The following POU3F3 variants were observed in gnomAD, a reference collection of about 807,000 sequenced individuals.
POU3F3 encodes POU domain, class 3, transcription factor 3.
In POU3F3, 1 loss-of-function variant was observed where a neutral mutation model predicts 8.6. The observed-to-expected ratio is 0.12, with a 90% confidence interval of 0.04 to 0.55. The LOEUF is 0.55. Ranked by LOEUF, POU3F3 falls within the 20% of genes least tolerant of loss-of-function variation. The pLI, the probability that POU3F3 is intolerant of heterozygous loss-of-function variation, is 0.91. For synonymous variants in POU3F3, 418 were observed against 327.4 expected (o/e 1.28, Z -2.99); for missense variants, 577 against 690.7 (o/e 0.84, Z 1.84).
chr2:104,869,170 C>G, the POU3F3 span, among the ~76,000 whole-genome samples: 2 of 152,198 alleles, frequency 1.3e-5, no homozygotes, highest in African/African-American at 4.8e-5. Context: ...AGCGAGAGAC[C>G]TTGATGAAAT....
At chr2:104,876,031 G>A in the POU3F3 span, among the ~76,000 whole-genome samples, 1 of 152,162 alleles carries the variant, frequency 6.6e-6, no homozygotes, top group African/African-American at 2.4e-5. Flanking sequence ...TTTAACTTTT[G>A]AATCTAGCTT....
At chr2:104,895,033 G>A in the POU3F3 span, among the ~76,000 whole-genome samples, 1 of 151,210 alleles carries the variant, frequency 6.6e-6, no homozygotes, top group Non-Finnish European at 1.5e-5. Flanking sequence ...CCCAGACTGG[G>A]GCATCTTCAC....
At chr2:104,908,815 T>C in the POU3F3 span, among the ~76,000 whole-genome samples, 1 of 152,258 alleles carries the variant, frequency 6.6e-6, no homozygotes, top group Admixed American at 6.5e-5. Context: ...TGCTAAAATA[T>C]TTAAACTATT....
At chr2:104,868,923 A>G in the POU3F3 span, among the ~76,000 whole-genome samples, 1 of 152,250 alleles carries the variant, frequency 6.6e-6, no homozygotes, top group East Asian at 1.9e-4. Context: ...AATTCCATAT[A>G]GGACAGTGGG....
chr2:104,885,827 C>T, the POU3F3 span, among the ~76,000 whole-genome samples: 166 of 151,772 alleles, frequency 1.1e-3, 2 homozygotes, highest in African/African-American at 3.7e-3. Flanking sequence ...GACAAAGTCT[C>T]GCTGTTGTCC....
At chr2:104,911,356 A>C in the POU3F3 span, among the ~76,000 whole-genome samples, 2 of 149,934 alleles carry the variant, frequency 1.3e-5, no homozygotes, top group African/African-American at 4.9e-5. Flanking sequence ...CAGAGGTTGC[A>C]GTGAGCTGAG....
the POU3F3 span, among the ~76,000 whole-genome samples, chr2:104,878,579 A>G: frequency 4.5e-3 from 680 of 152,324 alleles, 4 homozygotes; most frequent in African/African-American, 0.016. Context: ...TGTGACTGTT[A>G]TATTTATTGT....
At chr2:104,877,889 C>T in the POU3F3 span, among the ~76,000 whole-genome samples, 7 of 152,236 alleles carry the variant, frequency 4.6e-5, no homozygotes, top group East Asian at 7.7e-4. Flanking sequence ...ATCTCCTGAC[C>T]TCATGATCCG....
chr2:104,888,886 G>A, the POU3F3 span, among the ~76,000 whole-genome samples: 4 of 152,198 alleles, frequency 2.6e-5, no homozygotes, highest in Admixed American at 2.0e-4. Flanking sequence ...ACTGAAAAGA[G>A]GGGAAACCCT....
the POU3F3 span, among the ~76,000 whole-genome samples, chr2:104,906,837 C>G: frequency 1.3e-5 from 2 of 152,144 alleles, no homozygotes; most frequent in Non-Finnish European, 2.9e-5. Context: ...AGTCTGATAG[C>G]AAGTACTGGT....
At chr2:104,887,987 C>T in the POU3F3 span, among the ~76,000 whole-genome samples, 2 of 152,170 alleles carry the variant, frequency 1.3e-5, no homozygotes, top group Non-Finnish European at 2.9e-5. Flanking sequence ...TTTGTAGGAA[C>T]ACTGCAAATG....
At chr2:104,874,146 A>G in the POU3F3 span, among the ~76,000 whole-genome samples, 1 of 152,196 alleles carries the variant, frequency 6.6e-6, no homozygotes, top group Non-Finnish European at 1.5e-5. Context: ...CAGTGGCCCC[A>G]GGAGAGCTGA....
At position 104,857,017 on chromosome 2, in the gene POU3F3, C is replaced by A. The variant is rs1676578280; in HGVS notation, c.*4C>A. ...GCTGCAGACGAGCGTTCAGTGAAGC[C>A]AGGGCGCAGAGCGAAGAGGGCCGCC... On this transcript the variant is annotated 3_prime_UTR_variant, in exon 1 of 1. Coordinates refer to ENST00000361360, the MANE Select transcript of POU3F3 (RefSeq NM_006236.3). 1 of 1,583,412 alleles carries A rather than the reference C, an allele frequency of 6.3e-7. No individual in the cohort carries two copies. The highest frequency in any genetic ancestry group is 1.3e-5 in the African/African-American group (1 of 74,292).
chr2:104,915,431 T>C, the POU3F3 span, among the ~76,000 whole-genome samples: 56 of 152,232 alleles, frequency 3.7e-4, no homozygotes, highest in Non-Finnish European at 7.2e-4. Context: ...TTGTTACACA[T>C]AGAGCAAGTC....
the POU3F3 span, among the ~76,000 whole-genome samples, chr2:104,910,455 C>T: frequency 6.6e-6 from 1 of 152,140 alleles, no homozygotes; most frequent in Non-Finnish European, 1.5e-5. Context: ...CTTATTCCAC[C>T]GACAGCCATG....
chr2:104,863,462 C>T (rs183294521), downstream of POU3F3, among the ~76,000 whole-genome samples: 105 of 152,128 alleles, frequency 6.9e-4, 1 homozygote, highest in African/African-American at 2.4e-3. Context: ...GCGACGTTTG[C>T]GGATTTTCCG....
At chr2:104,861,570 A>T (rs1478225325), downstream of POU3F3, among the ~76,000 whole-genome samples, 2 of 152,220 alleles carry the variant, frequency 1.3e-5, no homozygotes, top group African/African-American at 4.8e-5. Context: ...GTTATCAGTG[A>T]CCCAGAAACA....
the POU3F3 span, among the ~76,000 whole-genome samples, chr2:104,910,571 A>T: frequency 6.6e-6 from 1 of 152,228 alleles, no homozygotes; most frequent in Non-Finnish European, 1.5e-5. Flanking sequence ...GAGAGATGAT[A>T]TATCAACTAT....
the POU3F3 span, among the ~76,000 whole-genome samples, chr2:104,863,769 G>T: frequency 6.6e-6 from 1 of 152,220 alleles, no homozygotes; most frequent in African/African-American, 2.4e-5. Flanking sequence ...AAGGAGATGC[G>T]CTGACTTGTT....
Sources: gnomAD v4.1 joint callset for allele counts (sites outside exome capture counted in the v4.1 genomes callset) on GRCh38, gnomAD v4.1.1 for gene constraint, MANE v1.5 for transcripts, NCBI Gene and HGNC (gene_info 2026-07-23, HGNC 2026-07-21) for gene names.